Variants in CTNNA2 observed in about 807,000 individuals in gnomAD.
The protein encoded by CTNNA2 is catenin alpha 2.
CTNNA2 carries 42 observed loss-of-function variants against 101.0 expected under a neutral mutation model. The ratio of observed to expected loss-of-function variants is 0.42; its 90% CI spans 0.32 to 0.54. The LOEUF (loss-of-function observed/expected upper bound fraction) is 0.54, where lower values mean the gene tolerates loss of function less well. Ranked by LOEUF, CTNNA2 falls within the 20% of genes least tolerant of loss-of-function variation. CTNNA2 has a pLI of 0.14. For synonymous variants in CTNNA2, 450 were observed against 456.4 expected (o/e 0.99, Z 0.18); for missense variants, 871 against 1,223.1 (o/e 0.71, Z 4.29).
intron 7 of CTNNA2, among the ~76,000 whole-genome samples, chr2:80,173,219 G>A (rs1011341225): frequency 3.3e-5 from 5 of 152,128 alleles, no homozygotes; most frequent in South Asian, 2.1e-4. Flanking sequence ...CCCTAGCCAC[G>A]TCACGTTTAG....
chr2:79,245,500 A>C (rs1385171400), intron 2 of CTNNA2, among the ~76,000 whole-genome samples: 1 of 152,158 alleles, frequency 6.6e-6, no homozygotes, highest in Non-Finnish European at 1.5e-5. Context: ...TTCTTTTTGC[A>C]ATGAGTCTGT....
chr2:80,557,980 C>A (rs1011945078), intron 12 of CTNNA2, among the ~76,000 whole-genome samples: 1 of 152,084 alleles, frequency 6.6e-6, no homozygotes, highest in Non-Finnish European at 1.5e-5. Flanking sequence ...GGGGGCTTAA[C>A]TAAAGGCACC....
upstream of CTNNA2, among the ~76,000 whole-genome samples, chr2:79,511,487 GA>G (rs1671538814): frequency 1.3e-5 from 2 of 152,184 alleles, no homozygotes; most frequent in South Asian, 4.1e-4. Flanking sequence ...GGCAGTCTAA[GA>G]AAAACGCTAG....
At chr2:80,235,109 G>A (rs1709474838) in intron 7 of CTNNA2, among the ~76,000 whole-genome samples, 1 of 152,094 alleles carries the variant, frequency 6.6e-6, no homozygotes, top group Non-Finnish European at 1.5e-5. Context: ...CTGAAGATTA[G>A]TAACTCCCTT....
intron 9 of CTNNA2, among the ~76,000 whole-genome samples, chr2:80,493,765 G>A (rs1440626540): frequency 6.6e-6 from 1 of 152,194 alleles, no homozygotes; most frequent in Non-Finnish European, 1.5e-5. Context: ...CACAGAACAT[G>A]GCATGCTGTA....
At chr2:80,418,906 G>A (rs986056298) in intron 8 of CTNNA2, among the ~76,000 whole-genome samples, 1 of 152,094 alleles carries the variant, frequency 6.6e-6, no homozygotes, top group South Asian at 2.1e-4. Flanking sequence ...CTGGAACATA[G>A]CAACTATGTC....
chr2:79,242,969 A>ATATATATATATATATAT (rs1674646204), intron 2 of CTNNA2, among the ~76,000 whole-genome samples: 3 of 127,330 alleles, frequency 2.4e-5, no homozygotes, highest in Admixed American at 8.2e-5. Flanking sequence ...CCTGTCTCGA[A>ATATATATATATATATAT]ATATATATAT....
chr2:79,215,114 GTC>G (rs1674233291), intron 2 of CTNNA2, among the ~76,000 whole-genome samples: 1 of 152,194 alleles, frequency 6.6e-6, no homozygotes, highest in Non-Finnish European at 1.5e-5. Context: ...GAAGGAGTCA[GTC>G]AGAGCGCCTT....
chr2:79,379,703 CAAATCCTAA>C (rs561622560), intron 4 of CTNNA2, among the ~76,000 whole-genome samples: 1 of 152,276 alleles, frequency 6.6e-6, no homozygotes, highest in African/African-American at 2.4e-5. Flanking sequence ...CACACAAATA[CAAATCCTAA>C]AAGTCCTAAA....
intron 4 of CTNNA2, among the ~76,000 whole-genome samples, chr2:79,481,039 A>G (rs776974027): frequency 6.6e-6 from 1 of 152,044 alleles, no homozygotes; most frequent in African/African-American, 2.4e-5. Flanking sequence ...TTTTATTTCA[A>G]TGGAAATAAT....
intron 2 of CTNNA2, among the ~76,000 whole-genome samples, chr2:79,721,336 A>C (rs1014011680): frequency 6.6e-6 from 1 of 152,148 alleles, no homozygotes; most frequent in African/African-American, 2.4e-5. Context: ...AAAATGGCAG[A>C]AGGCATCACA....
At chr2:80,330,734 G>A (rs982194622) in intron 7 of CTNNA2, among the ~76,000 whole-genome samples, 1 of 152,072 alleles carries the variant, frequency 6.6e-6, no homozygotes, top group Admixed American at 6.6e-5. Flanking sequence ...TTGCCACCAA[G>A]AGTCTTGTTG....
At chr2:79,189,572 G>A (rs1673825060) in intron 1 of CTNNA2, among the ~76,000 whole-genome samples, 1 of 152,174 alleles carries the variant, frequency 6.6e-6, no homozygotes. Context: ...AGGGGAGAGA[G>A]CACAGCTGAA....
intron 7 of CTNNA2, among the ~76,000 whole-genome samples, chr2:80,313,824 A>G (rs1677841060): frequency 6.6e-6 from 1 of 152,236 alleles, no homozygotes; most frequent in South Asian, 2.1e-4. Context: ...AGCAGTTGGC[A>G]GACTACCATA....
intron 2 of CTNNA2, among the ~76,000 whole-genome samples, chr2:79,238,161 A>G (rs1398823892): frequency 6.6e-6 from 1 of 152,252 alleles, no homozygotes; most frequent in African/African-American, 2.4e-5. Flanking sequence ...CTTATAGGTC[A>G]CTGTAGGGCT....
intron 6 of CTNNA2, among the ~76,000 whole-genome samples, chr2:79,903,644 G>A (rs578179517): frequency 6.6e-6 from 1 of 152,202 alleles, no homozygotes; most frequent in South Asian, 2.1e-4. Flanking sequence ...GGAGTGACTG[G>A]GCTTTTGTGG....
intron 7 of CTNNA2, among the ~76,000 whole-genome samples, chr2:80,290,464 A>T (rs1403767253): frequency 6.6e-6 from 1 of 151,976 alleles, no homozygotes; most frequent in Non-Finnish European, 1.5e-5. Flanking sequence ...CACCATGGTG[A>T]GGTTGGTGAG....
intron 7 of CTNNA2, among the ~76,000 whole-genome samples, chr2:80,073,493 G>A (rs1316422285): frequency 6.6e-6 from 1 of 152,100 alleles, no homozygotes; most frequent in African/African-American, 2.4e-5. Flanking sequence ...TGTTATCTGT[G>A]GCTACAGGTG....
chr2:79,924,642 C>G (rs111310244), intron 7 of CTNNA2, among the ~76,000 whole-genome samples: 2 of 152,132 alleles, frequency 1.3e-5, no homozygotes, highest in African/African-American at 2.4e-5. Context: ...TTGTTTTGTA[C>G]CCTAACTTGA....
Sources: gnomAD v4.1 joint callset for allele counts (sites outside exome capture counted in the v4.1 genomes callset) on GRCh38, gnomAD v4.1.1 for gene constraint, MANE v1.5 for transcripts, NCBI Gene and HGNC (gene_info 2026-07-23, HGNC 2026-07-21) for gene names.